The following ASIC2 variants were observed in gnomAD, a reference collection of about 807,000 sequenced individuals.
The protein encoded by ASIC2 is acid-sensing ion channel 2.
ASIC2 carries 25 observed loss-of-function variants against 57.3 expected under a neutral mutation model. The observed-to-expected ratio is 0.44, with a 90% CI of 0.32 to 0.61. The LOEUF is 0.61. ASIC2 is among the 20% of genes least tolerant of loss of function. The pLI, the probability that ASIC2 is intolerant of heterozygous loss-of-function variation, is 0.06. For missense variants in ASIC2, 641 were observed against 738.1 expected, an observed-to-expected ratio of 0.87 and a Z score of 1.52; for synonymous variants, 319 against 307.5, an observed-to-expected ratio of 1.04 and a Z score of -0.39.
chr17:33,800,276 C>T (rs73986722), intron 1 of ASIC2, among the ~76,000 whole-genome samples: 72 of 152,242 alleles, frequency 4.7e-4, no homozygotes, highest in African/African-American at 1.7e-3. Context: ...AATGCACACC[C>T]CCTTTTGCAC....
intron 1 of ASIC2, among the ~76,000 whole-genome samples, chr17:33,950,181 G>A (rs879826870): frequency 8.5e-5 from 13 of 152,270 alleles, no homozygotes; most frequent in Middle Eastern, 3.4e-3. Context: ...CTTTTGCTGC[G>A]TGGCCTTCCT....
intron 1 of ASIC2, among the ~76,000 whole-genome samples, chr17:34,086,895 G>A (rs932935548): frequency 2.6e-5 from 4 of 152,172 alleles, no homozygotes; most frequent in African/African-American, 9.7e-5. Flanking sequence ...TTGCTTGGTA[G>A]ATCTTCCTCC....
chr17:33,665,215 T>C (rs1373696821), intron 1 of ASIC2, among the ~76,000 whole-genome samples: 4 of 152,168 alleles, frequency 2.6e-5, no homozygotes, highest in African/African-American at 9.7e-5. Context: ...ATTTTGTGCA[T>C]TTTTTATTAT....
At chr17:33,731,260 T>C (rs1909732914) in intron 1 of ASIC2, among the ~76,000 whole-genome samples, 1 of 152,212 alleles carries the variant, frequency 6.6e-6, no homozygotes, top group African/African-American at 2.4e-5. Flanking sequence ...TTTTGGGAAG[T>C]AGACATTTGA....
At chr17:34,113,760 A>C (rs2142113350) in intron 1 of ASIC2, among the ~76,000 whole-genome samples, 1 of 152,046 alleles carries the variant, frequency 6.6e-6, no homozygotes, top group South Asian at 2.1e-4. Context: ...CTACAGTCGC[A>C]GTTACTTGGG....
intron 1 of ASIC2, among the ~76,000 whole-genome samples, chr17:33,682,872 A>G (rs571278646): frequency 7.2e-5 from 11 of 152,338 alleles, no homozygotes; most frequent in African/African-American, 2.6e-4. Flanking sequence ...TTAACAGTGA[A>G]TGAAGTAAGC....
intron 1 of ASIC2, among the ~76,000 whole-genome samples, chr17:33,667,453 T>C (rs889939540): frequency 6.6e-6 from 1 of 152,246 alleles, no homozygotes; most frequent in Non-Finnish European, 1.5e-5. Context: ...TCTGTTTTTC[T>C]TCCTTTTCAC....
In ASIC2 at chr17:34,009,995, C is replaced by T. The variant is rs757828971; in HGVS notation, c.555+145983G>A. On this transcript the variant is annotated intron_variant, in intron 1 of 9. Coordinates refer to the ASIC2 transcript ENST00000359872. ...GAGATGACAAAATGAGACATCCAGG[C>T]GGAAATGAAATTCCCGCTGTAACAG... Among the ~76,000 whole-genome samples the T allele has an allele frequency of 7.9e-5, 12 of 152,260 alleles. 1 individual carries two copies. The highest frequency in any genetic ancestry group is 4.1e-4 in the South Asian group (2 of 4,824).
At chr17:33,579,786 T>C (rs1034452723) in intron 1 of ASIC2, among the ~76,000 whole-genome samples, 71 of 152,132 alleles carry the variant, frequency 4.7e-4, no homozygotes, top group African/African-American at 6.3e-4. Context: ...AAGAACAAAC[T>C]ACCACACCGT....
At chr17:33,309,484 C>G (rs866362156) in intron 1 of ASIC2, among the ~76,000 whole-genome samples, 1 of 152,260 alleles carries the variant, frequency 6.6e-6, no homozygotes, top group Non-Finnish European at 1.5e-5. Flanking sequence ...AATCCACATA[C>G]CTAAGATGCT....
intron 3 of ASIC2, among the ~76,000 whole-genome samples, chr17:33,058,118 C>G (rs759857347): frequency 1.3e-5 from 2 of 152,000 alleles, no homozygotes; most frequent in South Asian, 2.1e-4. Context: ...TGGCAATTAA[C>G]GAGGAAATTA....
At chr17:34,044,468 G>A (rs1489921672) in intron 1 of ASIC2, among the ~76,000 whole-genome samples, 2 of 152,170 alleles carry the variant, frequency 1.3e-5, no homozygotes, top group African/African-American at 4.8e-5. Context: ...AGAACGGAGA[G>A]GTGGGGGAAG....
chr17:33,168,346 A>G (rs1337838820), intron 1 of ASIC2, among the ~76,000 whole-genome samples: 1 of 152,234 alleles, frequency 6.6e-6, no homozygotes, highest in Non-Finnish European at 1.5e-5. Context: ...AGAGGCTGAA[A>G]TAATTTGGAA....
chr17:34,071,073 T>C (rs1316596656), intron 1 of ASIC2: 2 of 149,548 alleles, frequency 1.3e-5, no homozygotes, highest in East Asian at 3.9e-4. Context: ...CAGAAGTCAG[T>C]AGGTCCCCTT....
At chr17:33,089,732 T>C (rs1251578180) in intron 2 of ASIC2, among the ~76,000 whole-genome samples, 2 of 152,228 alleles carry the variant, frequency 1.3e-5, no homozygotes, top group African/African-American at 4.8e-5. Context: ...GATGCAGCAG[T>C]AGAAATAAAA....
intron 1 of ASIC2, among the ~76,000 whole-genome samples, chr17:33,467,498 G>A (rs1340463267): frequency 6.6e-6 from 1 of 152,148 alleles, no homozygotes; most frequent in Non-Finnish European, 1.5e-5. Context: ...GGAGGTAGGA[G>A]AGGCCTCATT....
At chr17:33,809,824 G>T (rs955650959) in intron 1 of ASIC2, among the ~76,000 whole-genome samples, 1 of 152,222 alleles carries the variant, frequency 6.6e-6, no homozygotes, top group African/African-American at 2.4e-5. Flanking sequence ...ATCCTGCAAA[G>T]TTGAAGGCAT....
At chr17:33,158,878 C>T (rs1255259881) in intron 1 of ASIC2, among the ~76,000 whole-genome samples, 2 of 152,202 alleles carry the variant, frequency 1.3e-5, no homozygotes, top group Non-Finnish European at 2.9e-5. Context: ...TAGAAATTTA[C>T]TAAACATCGA....
chr17:33,749,427 G>A (rs541690360), intron 1 of ASIC2, among the ~76,000 whole-genome samples: 2 of 152,108 alleles, frequency 1.3e-5, no homozygotes, highest in East Asian at 3.9e-4. Flanking sequence ...CCGTGTGGGA[G>A]GGGCGCTTTC....
Sources: gnomAD v4.1 joint callset for allele counts (sites outside exome capture counted in the v4.1 genomes callset) on GRCh38, gnomAD v4.1.1 for gene constraint, MANE v1.5 for transcripts, NCBI Gene and HGNC (gene_info 2026-07-23, HGNC 2026-07-21) for gene names.